The following IDE variants were observed in gnomAD, a reference collection of about 807,000 sequenced individuals.
IDE encodes insulin-degrading enzyme.
IDE carries 58 observed loss-of-function variants against 133.2 expected under a neutral mutation model. That is an observed-to-expected ratio of 0.44 (90% CI 0.35 to 0.54). The LOEUF (loss-of-function observed/expected upper bound fraction) is 0.54. Ranked by LOEUF, IDE falls within the 20% of genes least tolerant of loss-of-function variation. The pLI, the probability that IDE is intolerant of heterozygous loss-of-function variation, is 0.00. For missense variants in IDE, 981 were observed against 1,234.0 expected (o/e 0.79, Z 3.07); for synonymous variants, 396 against 421.3 (o/e 0.94, Z 0.73).
At chr10:92,472,878 C>T (rs576636529) in intron 17 of IDE, among the ~76,000 whole-genome samples, 2 of 151,242 alleles carry the variant, frequency 1.3e-5, no homozygotes, top group South Asian at 4.2e-4. Context: ...CCTTGTGATC[C>T]GCCCGCCTCG....
chr10:92,521,002 G>A (rs187607175), intron 4 of IDE, among the ~76,000 whole-genome samples: 349 of 152,262 alleles, frequency 2.3e-3, no homozygotes, highest in Non-Finnish European at 4.2e-3. Flanking sequence ...CACCCTGAAG[G>A]ATGCTGACGA....
At chr10:92,456,844 CAAAAAAAAAAAAAA>C (rs57422406) in intron 22 of IDE, among the ~76,000 whole-genome samples, 161 of 52,172 alleles carry the variant, frequency 3.1e-3, no homozygotes, top group Non-Finnish European at 4.9e-3. Flanking sequence ...GACTCTGTCT[CAAAAAAAAAAAAAA>C]AAAAAAAAAA....
At chr10:92,543,082 G>A (rs1442574210) in intron 1 of IDE, among the ~76,000 whole-genome samples, 1 of 152,172 alleles carries the variant, frequency 6.6e-6, no homozygotes, top group African/African-American at 2.4e-5. Flanking sequence ...ACCTGATTTA[G>A]AAATAATGAC....
chr10:92,568,734 T>C (rs1206920147), intron 1 of IDE, among the ~76,000 whole-genome samples: 4 of 151,930 alleles, frequency 2.6e-5, no homozygotes, highest in Non-Finnish European at 4.4e-5. Flanking sequence ...GAGAATCGCC[T>C]GAAGCTGGGA....
rs1842079079 is a variant in IDE, at chr10:92,537,587, C to G, written c.99-37G>C. On this transcript the variant is annotated intron_variant, in intron 1 of 24. Transcript: ENST00000265986. ...GAGATTTTTAATTGTTGATTTGTGACTTTATATTTAAGGACAAACAATAAC... is the reference window on the plus strand; with the variant it reads ...GAGATTTTTAATTGTTGATTTGTGAGTTTATATTTAAGGACAAACAATAAC... The G allele has an allele frequency of 2.1e-6, 3 of 1,449,172 alleles. No individual in the cohort carries two copies. The South Asian group carries it at 3.7e-5, about 18-fold the overall frequency. The allele number at this position is 1,449,172 out of a possible 1,614,324, so 89.8% of individuals were successfully genotyped here. A position where few individuals can be genotyped will look rare whatever the true frequency, so the allele number is the denominator to read the frequency against.
At chr10:92,542,210 C>G (rs966385208) in intron 1 of IDE, among the ~76,000 whole-genome samples, 1 of 151,970 alleles carries the variant, frequency 6.6e-6, no homozygotes. Context: ...ACTCTGTCAC[C>G]CAGGCACAAT....
At chr10:92,500,252 G>A (rs573614501) in intron 11 of IDE, among the ~76,000 whole-genome samples, 1 of 150,920 alleles carries the variant, frequency 6.6e-6, no homozygotes, top group African/African-American at 2.4e-5. Flanking sequence ...AGCTGAGATC[G>A]CACCATGGCA....
At chr10:92,571,274 CAA>C (rs1396582553) in intron 1 of IDE, among the ~76,000 whole-genome samples, 2 of 152,120 alleles carry the variant, frequency 1.3e-5, no homozygotes, top group Non-Finnish European at 2.9e-5. Context: ...CTCGCCCTGT[CAA>C]AGTGTTGGGA....
At chr10:92,475,691 C>A (rs1846218062) in intron 16 of IDE, among the ~76,000 whole-genome samples, 193 bp downstream of exon 16, 1 of 151,956 alleles carries the variant, frequency 6.6e-6, no homozygotes, top group Non-Finnish European at 1.5e-5. Flanking sequence ...GCCAGGTGTC[C>A]ACCAGAGTCT....
In IDE at chr10:92,506,504, A is replaced by G; in HGVS notation, c.1264T>C (p.Phe422Leu). ...QECKDLNAVA[F>L]RFKDKERPRG... ...GGCCTCTCTTTGTCTTTAAACCTAAAAGCAACAGCATTCAAGTCCTAAAAT... is the reference window on the plus strand; with the variant it reads ...GGCCTCTCTTTGTCTTTAAACCTAAGAGCAACAGCATTCAAGTCCTAAAAT... The change falls in exon 10 of 25, where the codon TTT (phenylalanine) becomes CTT (leucine). Residue 422 changes from phenylalanine (F) to leucine (L), a missense_variant. Physicochemically the swap from Phe to Leu is conservative, Grantham distance 22. This residue lies in a region of IDE where 660 missense variants were observed against 894.7 expected (regional missense o/e 0.74). Transcript: ENST00000265986. The G allele has an allele frequency of 6.3e-7, 1 of 1,575,972 alleles. No homozygotes were observed. Among genetic ancestry groups the G allele is most frequent in the Non-Finnish European group, 8.7e-7 (1 of 1,147,162 alleles).
At chr10:92,566,301 G>A (rs529199523) in intron 1 of IDE, among the ~76,000 whole-genome samples, 1 of 152,016 alleles carries the variant, frequency 6.6e-6, no homozygotes, top group East Asian at 1.9e-4. Context: ...GATGGCAGGA[G>A]AATCACCTGA....
chr10:92,508,216 C>T lies in IDE; in HGVS notation c.1061-11G>A. On this transcript the variant is annotated splice_polypyrimidine_tract_variant and intron_variant, in intron 7 of 24. Coordinates refer to ENST00000265986, the MANE Select transcript of IDE (RefSeq NM_004969.4). ...GAGTATTAACCCAGCCTGCAACATTCAAAGGAAATCAATACGATTGATTGC... is the reference window on the plus strand; with the variant it reads ...GAGTATTAACCCAGCCTGCAACATTTAAAGGAAATCAATACGATTGATTGC... 1 of 1,601,064 alleles carries T rather than the reference C, an allele frequency of 6.2e-7. No homozygotes were observed. Among genetic ancestry groups the T allele is most frequent in the Non-Finnish European group, 8.5e-7 (1 of 1,171,794 alleles).
chr10:92,516,978 A>C (rs993778584), intron 4 of IDE, among the ~76,000 whole-genome samples: 5 of 152,204 alleles, frequency 3.3e-5, no homozygotes. Flanking sequence ...TGGCATCTTG[A>C]CTGGAAATAT....
At chr10:92,572,708 C>T (rs1843844003) in intron 1 of IDE, among the ~76,000 whole-genome samples, 1 of 152,174 alleles carries the variant, frequency 6.6e-6, no homozygotes. Context: ...CTTCTAATTA[C>T]CCCAAGGAAA....
chr10:92,487,348 G>A (rs766244002), intron 12 of IDE, 30 bp from the exon 13 acceptor site: 18 of 1,592,958 alleles, frequency 1.1e-5, no homozygotes, highest in Non-Finnish European at 1.5e-5. Context: ...CACAAATGCA[G>A]TAAGAGTCTG....
chr10:92,473,358 T>A (rs919004082), intron 17 of IDE, among the ~76,000 whole-genome samples: 14 of 152,028 alleles, frequency 9.2e-5, no homozygotes, highest in Non-Finnish European at 1.9e-4. Flanking sequence ...CTACATTTTT[T>A]TCCAGTAAAG....
At chr10:92,509,099 AC>A (rs1343324558) in intron 6 of IDE, among the ~76,000 whole-genome samples, 1 of 152,050 alleles carries the variant, frequency 6.6e-6, no homozygotes, top group Non-Finnish European at 1.5e-5. Context: ...TCCATGTTTG[AC>A]CCCCTGAACC....
intron 20 of IDE, 109 bp downstream of exon 20, chr10:92,465,567 T>C (rs1439044609): frequency 1.1e-6 from 1 of 915,236 alleles, no homozygotes; most frequent in Non-Finnish European, 1.7e-6. Context: ...TCTCTCTAAG[T>C]AGACCATGCC....
intron 21 of IDE, among the ~76,000 whole-genome samples, chr10:92,462,535 G>C (rs1024476792): frequency 6.6e-6 from 1 of 152,080 alleles, no homozygotes; most frequent in Non-Finnish European, 1.5e-5. Flanking sequence ...GAACCCGGGA[G>C]GTGGAGGTTG....
Sources: allele counts gnomAD v4.1 joint callset (sites outside exome capture counted in the v4.1 genomes callset), GRCh38; gene constraint gnomAD v4.1.1; regional missense constraint gnomAD v4.1.1; transcripts MANE v1.5; gene names NCBI Gene and HGNC (gene_info 2026-07-23, HGNC 2026-07-21).